COL6A6: variants seen among roughly 807,000 people sequenced by gnomAD.
COL6A6 encodes collagen type VI alpha 6 chain, also known as collagen alpha-6(VI) chain.
In COL6A6, 183 loss-of-function variants were observed where a neutral mutation model predicts 208.6. The observed-to-expected ratio is 0.88, with a 90% CI of 0.78 to 0.99. COL6A6 has a LOEUF of 0.99. Among genes scored for constraint, COL6A6 ranks in the 50% least tolerant of loss-of-function variants. The pLI is 0.00. For missense variants in COL6A6, 2,816 were observed against 2,815.2 expected, an observed-to-expected ratio of 1.00 and a Z score of -0.01; for synonymous variants, 973 against 1,011.8, an observed-to-expected ratio of 0.96 and a Z score of 0.73.
rs770930371 is a variant in COL6A6, at chr3:130,649,561, C to A, written c.5732C>A (p.Ala1911Glu). 3 of 1,577,276 alleles carry A rather than the reference C, an allele frequency of 1.9e-6. No individual in the cohort carries two copies. The highest frequency in any genetic ancestry group is 2.7e-5 in the African/African-American group (2 of 74,528). The change falls in exon 33 of 37, where the codon GCG (alanine) becomes GAG (glutamate). Residue 1911 changes from alanine to glutamate, a missense_variant and splice_region_variant. Transcript: ENST00000358511. ...SNVPSVRRAF[A>E]IDDTGTFQVI... ...GTGCCCTCGGTCAGGCGCGCATTTGCGGTATGAGGATGAAACCTTTCACAT... is the reference window on the plus strand; with the variant it reads ...GTGCCCTCGGTCAGGCGCGCATTTGAGGTATGAGGATGAAACCTTTCACAT...
chr3:130,536,773 A>G (rs2062234850), intron 1 of COL6A6, among the ~76,000 whole-genome samples: 1 of 152,200 alleles, frequency 6.6e-6, no homozygotes, highest in Non-Finnish European at 1.5e-5. Flanking sequence ...CCTGATGAAC[A>G]TGGAAAGGGG....
chr3:130,517,045 G>A (rs964099927), upstream of COL6A6, among the ~76,000 whole-genome samples: 17 of 152,210 alleles, frequency 1.1e-4, no homozygotes, highest in African/African-American at 2.2e-4. Flanking sequence ...CTCCAGTCCC[G>A]CTTCCGTCAC....
intron 1 of COL6A6, among the ~76,000 whole-genome samples, chr3:130,531,482 C>T (rs1187039287): frequency 6.6e-6 from 1 of 152,142 alleles, no homozygotes; most frequent in African/African-American, 2.4e-5. Flanking sequence ...CCCATTGAAC[C>T]AGTGCTGCTC....
chr3:130,621,783 T>A (rs774495643), intron 23 of COL6A6, 38 bp from the exon 24 acceptor site: 1 of 1,587,342 alleles, frequency 6.3e-7, no homozygotes, highest in Non-Finnish European at 8.6e-7. Context: ...AGTTGCTTTA[T>A]GTTTTGCTAT....
At chr3:130,621,977 A>G in intron 24 of COL6A6, 94 bp downstream of exon 24, 1 of 1,070,998 alleles carries the variant, frequency 9.3e-7, no homozygotes, top group Non-Finnish European at 1.4e-6. Context: ...CAACACAAAC[A>G]AGAACACATT....
chr3:130,578,887 C>G (rs2063355133), intron 8 of COL6A6, among the ~76,000 whole-genome samples: 1 of 152,200 alleles, frequency 6.6e-6, no homozygotes, highest in African/African-American at 2.4e-5. Context: ...GCTGTCACTT[C>G]CACGGTTAGC....
At chr3:130,599,461 C>T (rs998511548) in intron 19 of COL6A6, among the ~76,000 whole-genome samples, 5 of 151,952 alleles carry the variant, frequency 3.3e-5, no homozygotes, top group African/African-American at 1.2e-4. Flanking sequence ...ACTGTGGCAA[C>T]GTAGTAGGGA....
chr3:130,644,589 G>A (rs746620770), intron 31 of COL6A6, among the ~76,000 whole-genome samples: 18 of 152,094 alleles, frequency 1.2e-4, no homozygotes, highest in Non-Finnish European at 2.6e-4. Context: ...AGATACATTT[G>A]TGTGTATGTG....
At chr3:130,531,037 C>G (rs866295923) in intron 1 of COL6A6, among the ~76,000 whole-genome samples, 973 of 25,870 alleles carry the variant, frequency 0.038, 8 homozygotes, top group African/African-American at 0.082. Flanking sequence ...CACACACACA[C>G]AGACACACAC....
At chr3:130,584,684 G>T (rs1023910720) in intron 10 of COL6A6, among the ~76,000 whole-genome samples, 2 of 151,416 alleles carry the variant, frequency 1.3e-5, no homozygotes, top group Non-Finnish European at 2.9e-5. Context: ...GTGCCATCTC[G>T]GCTCACTGCA....
intron 26 of COL6A6, 62 bp from the exon 27 acceptor site, chr3:130,634,528 A>G (rs908240349): frequency 7.6e-6 from 11 of 1,445,432 alleles, no homozygotes; most frequent in Non-Finnish European, 1.1e-5. Flanking sequence ...TAAATTGAAA[A>G]TCAATGTAGA....
intron 36 of COL6A6, among the ~76,000 whole-genome samples, chr3:130,665,993 C>T (rs1033783582): frequency 3.9e-5 from 6 of 152,100 alleles, no homozygotes; most frequent in African/African-American, 7.2e-5. Context: ...CCTAAATGAG[C>T]GTCTTGGTGG....
At chr3:130,649,847 G>A (rs998091402) in intron 33 of COL6A6, among the ~76,000 whole-genome samples, 1 of 152,136 alleles carries the variant, frequency 6.6e-6, no homozygotes, top group Non-Finnish European at 1.5e-5. Flanking sequence ...CACTTTTCAC[G>A]GTTCCCACAG....
intron 11 of COL6A6, 59 bp from the exon 12 acceptor site, chr3:130,589,031 T>C: frequency 7.7e-7 from 1 of 1,306,344 alleles, no homozygotes; most frequent in Non-Finnish European, 1.1e-6. Flanking sequence ...GTTGAACTTG[T>C]ATATGAGATT....
rs537780071 is a variant in COL6A6 at position 130,661,672 on chromosome 3, AG to A, written c.5867del (p.Arg1956AsnfsTer29). ...GCCAGATGCTTCTTGTGACCAAGCC[AG>A]ACCACCCCCTGTGCAGTCTTACATG... The part of the protein sequence containing the change: ...CKPDASCDQA[R>X]PPPVQSYMDA... On this transcript the variant is annotated frameshift_variant, in exon 35 of 37. Coordinates refer to ENST00000358511, the MANE Select transcript of COL6A6 (RefSeq NM_001102608.3). LOFTEE classifies it high-confidence loss of function. 53 of 1,613,732 alleles carry A rather than the reference AG, an allele frequency of 3.3e-5. No homozygotes were observed. The African/African-American group carries it at 6.9e-4, about 21-fold the overall frequency.
intron 28 of COL6A6, among the ~76,000 whole-genome samples, chr3:130,640,209 T>C (rs2065271280): frequency 6.6e-6 from 1 of 152,218 alleles, no homozygotes; most frequent in Non-Finnish European, 1.5e-5. Flanking sequence ...CTGGGACGTA[T>C]GATATAAAAC....
rs972845592 is a variant in COL6A6, at chr3:130,571,128, C to T, written c.2712C>T (p.Gly904=). ...FSDHMFTEAR[G]SRLNKGVPQV... is the part of the protein sequence containing the mutation. Reference sequence around the variant, plus strand: ...ACCACATGTTCACTGAAGCCCGGGGCAGCCGCCTGAACAAGGGGGTCCCCC... The same window carrying T: ...ACCACATGTTCACTGAAGCCCGGGGTAGCCGCCTGAACAAGGGGGTCCCCC... Residue 904 remains glycine, a synonymous_variant, in exon 7 of 37, where the codon GGC becomes GGT. Coordinates refer to ENST00000358511, the MANE Select transcript of COL6A6 (RefSeq NM_001102608.3). The T allele has an allele frequency of 7.4e-6, 12 of 1,613,698 alleles. No individual in the cohort carries two copies. The highest frequency in any genetic ancestry group is 2.7e-5 in the African/African-American group (2 of 74,936).
At chr3:130,529,542 C>G (rs1384967951) in intron 1 of COL6A6, among the ~76,000 whole-genome samples, 1 of 152,168 alleles carries the variant, frequency 6.6e-6, no homozygotes, top group African/African-American at 2.4e-5. Flanking sequence ...TCTTCTGTCC[C>G]CTCTGGGCCT....
chr3:130,518,354 T>C (rs1710862622), intron 1 of COL6A6, among the ~76,000 whole-genome samples: 1 of 152,224 alleles, frequency 6.6e-6, no homozygotes, highest in Non-Finnish European at 1.5e-5. Context: ...ATTTAATGAG[T>C]AGTATTTTTA....
Sources: allele counts gnomAD v4.1 joint callset (sites outside exome capture counted in the v4.1 genomes callset), GRCh38; gene constraint gnomAD v4.1.1; transcripts MANE v1.5; gene names NCBI Gene and HGNC (gene_info 2026-07-23, HGNC 2026-07-21).